Variants in FGF20 observed in about 807,000 individuals in gnomAD.
FGF20 encodes the protein fibroblast growth factor 20.
In FGF20, 8 loss-of-function variants were observed where a neutral mutation model predicts 16.7. The observed-to-expected ratio is 0.48, with a 90% CI of 0.28 to 0.87. FGF20 has a LOEUF of 0.87. Ranked by LOEUF, FGF20 falls within the 40% of genes least tolerant of loss-of-function variation. The pLI is 0.10. For missense variants in FGF20, 397 were observed against 281.4 expected (o/e 1.41, Z -2.94); for synonymous variants, 161 against 118.6 (o/e 1.36, Z -2.32).
At chr8:16,993,440 T>C (rs1809965549) in intron 2 of FGF20, 123 bp from the exon 3 acceptor site, 2 of 1,012,006 alleles carry the variant, frequency 2.0e-6, no homozygotes, top group Non-Finnish European at 2.8e-6. Context: ...TTAAATTGGT[T>C]TTGCTTTATT....
intron 1 of FGF20, among the ~76,000 whole-genome samples, chr8:16,996,174 G>A (rs926958486): frequency 6.6e-6 from 1 of 151,982 alleles, no homozygotes; most frequent in South Asian, 2.1e-4. Flanking sequence ...GCTTTGCTTA[G>A]TTGTTTTTTT....
chr8:16,995,318 G>T (rs552181275), intron 2 of FGF20, among the ~76,000 whole-genome samples: 5 of 152,274 alleles, frequency 3.3e-5, no homozygotes, highest in Admixed American at 2.6e-4. Context: ...AAACATAAAG[G>T]TGAGAGAGTC....
At chr8:16,995,489 T>C (rs577355486) in intron 2 of FGF20, among the ~76,000 whole-genome samples, 166 bp downstream of exon 2, 11 of 152,310 alleles carry the variant, frequency 7.2e-5, no homozygotes, top group African/African-American at 2.4e-4. Context: ...TGAGTTACTA[T>C]ACTATTGCCC....
Position 16,995,738 on chromosome 8 carries a change from C to T in FGF20, c.307G>A (p.Val103Met), listed in dbSNP as rs1308905635. ...SLFGILEFIS[V>M]AVGLVSIRGV... is the part of the protein sequence containing the mutation. The stretch of plus-strand genomic sequence containing the variant: ...CTAATACTGACCAGTCCCACTGCCA[C>T]ACTGATGAATTCCAAGATACCTGCA... The change falls in exon 2 of 3, where the codon GTG becomes ATG. Residue 103 changes from valine (V) to methionine (M), a missense_variant. By Grantham distance (21) the Val-to-Met change is conservative (BLOSUM62 1). Transcript: ENST00000180166. 8.7e-6 allele frequency: 14 copies of T among 1,600,588 alleles called. No homozygotes were observed. The highest frequency in any genetic ancestry group is 1.1e-5 in the Non-Finnish European group (13 of 1,170,450).
Position 17,002,057 on chromosome 8 carries a change from A to G in FGF20, c.-25T>C, listed in dbSNP as rs1185169677. The G allele has an allele frequency of 2.0e-6, 3 of 1,515,784 alleles. No homozygotes were observed. The highest frequency in any genetic ancestry group is 2.6e-6 in the Non-Finnish European group (3 of 1,134,228). 93.9% of individuals were successfully genotyped at this position (1,515,784 alleles called of 1,614,324 possible). On this transcript the variant is annotated 5_prime_UTR_variant, in exon 1 of 3. Transcript: ENST00000180166. ...TGGAGGGGGAGATCCGGAACACAAA[A>G]GACCCCCCCAGTAAAGAGTGTTGTG...
chr8:16,996,463 G>C (rs1007907447), intron 1 of FGF20, among the ~76,000 whole-genome samples: 3 of 152,160 alleles, frequency 2.0e-5, no homozygotes, highest in African/African-American at 7.2e-5. Flanking sequence ...CTCCCTAAAG[G>C]AGATGGGTGA....
intron 1 of FGF20, among the ~76,000 whole-genome samples, chr8:17,000,393 TACACTTCTCCA>T: frequency 6.6e-6 from 1 of 152,210 alleles, no homozygotes; most frequent in Non-Finnish European, 1.5e-5. Context: ...AACTGAGATT[TACACTTCTCCA>T]AAGTTTTAAT....
intron 1 of FGF20, among the ~76,000 whole-genome samples, chr8:16,996,643 G>A (rs191154517): frequency 2.6e-5 from 4 of 152,126 alleles, no homozygotes; most frequent in Admixed American, 6.5e-5. Flanking sequence ...TCTAGGAGCA[G>A]CAGCATCCCT....
intron 1 of FGF20, among the ~76,000 whole-genome samples, chr8:16,999,333 A>G (rs867629914): frequency 6.6e-6 from 1 of 152,326 alleles, no homozygotes; most frequent in Middle Eastern, 3.4e-3. Flanking sequence ...TGCGAGCAAG[A>G]TGATAATTCT....
chr8:17,000,829 T>TTGTTTC (rs1287417793), intron 1 of FGF20, among the ~76,000 whole-genome samples: 3 of 152,016 alleles, frequency 2.0e-5, no homozygotes, highest in Admixed American at 6.6e-5. Context: ...AATCATTCTC[T>TTGTTTC]TGTTTCTTTT....
chr8:16,997,049 T>G (rs1810069342), intron 1 of FGF20, among the ~76,000 whole-genome samples: 1 of 152,216 alleles, frequency 6.6e-6, no homozygotes, highest in South Asian at 2.1e-4. Flanking sequence ...ATATAATGAA[T>G]TAGCATGCAA....
Position 16,993,245 on chromosome 8 carries a change from T to A in FGF20, c.463A>T (p.Ile155Leu). 1 of 1,614,162 alleles carries A rather than the reference T, an allele frequency of 6.2e-7. No homozygotes were observed. The highest frequency in any genetic ancestry group is 1.1e-5 in the South Asian group (1 of 91,082). Residue 155 changes from isoleucine (I) to leucine (L), a missense_variant, in exon 3 of 3, where the codon ATA becomes TTA. By Grantham distance (5) the Ile-to-Leu change is conservative. Coordinates refer to ENST00000180166, the MANE Select transcript of FGF20 (RefSeq NM_019851.3). ...CGGCCAGTGTCTCCATGTTTATATA[T>A]GTTAGATGAATAGGTGTTATACCAG... ...ENWYNTYSSN[I>L]YKHGDTGRRY...
intron 2 of FGF20, among the ~76,000 whole-genome samples, chr8:16,994,597 C>A (rs924074835): frequency 3.9e-5 from 6 of 152,106 alleles, no homozygotes; most frequent in Non-Finnish European, 7.3e-5. Flanking sequence ...TTTACCCTTA[C>A]AAAGGACAAA....
At chr8:16,998,174 T>C (rs776904356) in intron 1 of FGF20, among the ~76,000 whole-genome samples, 6 of 152,200 alleles carry the variant, frequency 3.9e-5, no homozygotes, top group Non-Finnish European at 7.4e-5. Flanking sequence ...CTTAATGCTG[T>C]CAGCTTGCCG....
chr8:16,994,614 T>C (rs1210527216), intron 2 of FGF20, among the ~76,000 whole-genome samples: 3 of 152,210 alleles, frequency 2.0e-5, no homozygotes, highest in African/African-American at 7.2e-5. Flanking sequence ...CAAATATTCA[T>C]CTACTTCAAT....
chr8:16,996,651 C>T (rs1810054319), intron 1 of FGF20, among the ~76,000 whole-genome samples: 1 of 152,020 alleles, frequency 6.6e-6, no homozygotes, highest in Non-Finnish European at 1.5e-5. Flanking sequence ...CAGCAGCATC[C>T]CTTATTGGGT....
chr8:16,998,810 C>T (rs1425843963), intron 1 of FGF20, among the ~76,000 whole-genome samples: 26 of 151,060 alleles, frequency 1.7e-4, no homozygotes, highest in Admixed American at 1.6e-3. Context: ...TAAGCTGTTC[C>T]TGCTGTGTAC....
rs747943357 is a variant in FGF20 at position 16,993,083 on chromosome 8, T to C, written c.625A>G (p.Met209Val). 6.2e-7 allele frequency: 1 copy of C among 1,613,986 alleles called. No homozygotes were observed. Among genetic ancestry groups the C allele is most frequent in the Non-Finnish European group, 8.5e-7 (1 of 1,179,952 alleles). Residue 209 changes from methionine to valine, a missense_variant, in exon 3 of 3, where the codon ATG (methionine) becomes GTG (valine). By Grantham distance (21) the Met-to-Val change is conservative. Coordinates refer to ENST00000180166, the MANE Select transcript of FGF20 (RefSeq NM_019851.3). ...GTCACTATCGCACTTCAAGTGTACA[T>C]CAGTAGGTCCTTGTACAATTCTGGA... ...RVPELYKDLL[M>V]YT is the part of the protein sequence containing the mutation.
chr8:16,997,692 G>C (rs1288788802), intron 1 of FGF20, among the ~76,000 whole-genome samples: 1 of 152,154 alleles, frequency 6.6e-6, no homozygotes, highest in Non-Finnish European at 1.5e-5. Flanking sequence ...GCAGAGAGAA[G>C]ATAAGATACA....
Sources: allele counts gnomAD v4.1 joint callset (sites outside exome capture counted in the v4.1 genomes callset), GRCh38; gene constraint gnomAD v4.1.1; transcripts MANE v1.5; gene names NCBI Gene and HGNC (gene_info 2026-07-23, HGNC 2026-07-21).